GPC5: variants seen among roughly 807,000 people sequenced by gnomAD.
The protein encoded by GPC5 is glypican 5.
GPC5 carries 47 observed loss-of-function variants against 53.9 expected under a neutral mutation model. That is an observed-to-expected ratio of 0.87 (90% CI 0.69 to 1.11). The LOEUF (loss-of-function observed/expected upper bound fraction) is 1.11. Among genes scored for constraint, GPC5 ranks in the 50% most tolerant of loss-of-function variants. The pLI is 0.00. For synonymous variants in GPC5, 286 were observed against 263.3 expected (o/e 1.09, Z -0.84); for missense variants, 748 against 713.1 (o/e 1.05, Z -0.56).
chr13:91,704,648 A>G (rs1283028643), intron 3 of GPC5, among the ~76,000 whole-genome samples: 3 of 152,180 alleles, frequency 2.0e-5, no homozygotes, highest in African/African-American at 7.2e-5. Flanking sequence ...ACCAAGGACA[A>G]CCTCACTCAA....
At chr13:91,895,643 T>G (rs1826114992) in intron 5 of GPC5, among the ~76,000 whole-genome samples, 1 of 151,940 alleles carries the variant, frequency 6.6e-6, no homozygotes, top group South Asian at 2.1e-4. Flanking sequence ...TCTTTCTTTT[T>G]TTTTTTTTCT....
chr13:91,615,308 C>T (rs1051289692), intron 2 of GPC5, among the ~76,000 whole-genome samples: 4 of 152,104 alleles, frequency 2.6e-5, no homozygotes, highest in African/African-American at 4.8e-5. Flanking sequence ...CCCACATGTC[C>T]ACATACTAGT....
intron 7 of GPC5, among the ~76,000 whole-genome samples, chr13:92,644,802 G>A (rs1253724791): frequency 6.6e-6 from 1 of 151,984 alleles, no homozygotes; most frequent in Non-Finnish European, 1.5e-5. Flanking sequence ...AATTAACATG[G>A]TGGAGAATTA....
intron 1 of GPC5, among the ~76,000 whole-genome samples, chr13:91,439,863 A>G (rs1880290640): frequency 6.6e-6 from 1 of 152,178 alleles, no homozygotes; most frequent in Non-Finnish European, 1.5e-5. Context: ...TTAGAGTGAA[A>G]TTTTAAGAAA....
At chr13:91,801,620 C>T (rs2038138048) in intron 5 of GPC5, among the ~76,000 whole-genome samples, 1 of 152,138 alleles carries the variant, frequency 6.6e-6, no homozygotes, top group Admixed American at 6.5e-5. Context: ...CTTCATGTCA[C>T]AATTTTTAAA....
intron 7 of GPC5, among the ~76,000 whole-genome samples, chr13:92,190,311 G>T (rs551767840): frequency 6.6e-6 from 1 of 152,238 alleles, no homozygotes; most frequent in East Asian, 1.9e-4. Context: ...CAGTGGAACT[G>T]CCTTGCAAAA....
intron 5 of GPC5, among the ~76,000 whole-genome samples, chr13:91,868,717 G>C (rs1425666649): frequency 6.6e-6 from 1 of 152,100 alleles, no homozygotes; most frequent in Non-Finnish European, 1.5e-5. Flanking sequence ...AAAAGAATTA[G>C]AGACAAGAAG....
chr13:91,896,635 G>A (rs555310897), intron 5 of GPC5, among the ~76,000 whole-genome samples: 1 of 152,222 alleles, frequency 6.6e-6, no homozygotes, highest in Non-Finnish European at 1.5e-5. Flanking sequence ...TGTCTCTGTA[G>A]GTGTGGAATC....
intron 2 of GPC5, among the ~76,000 whole-genome samples, chr13:91,671,936 C>G (rs1016328149): frequency 6.6e-6 from 1 of 152,044 alleles, no homozygotes; most frequent in Non-Finnish European, 1.5e-5. Context: ...AGAGATAACA[C>G]CTCACATCTA....
intron 5 of GPC5, among the ~76,000 whole-genome samples, chr13:91,867,065 G>C (rs1412986344): frequency 6.6e-6 from 1 of 152,068 alleles, no homozygotes; most frequent in Non-Finnish European, 1.5e-5. Context: ...AAAATACAAA[G>C]TTAGCTGGGC....
chr13:91,492,890 C>T (rs963194896), intron 2 of GPC5, among the ~76,000 whole-genome samples: 1 of 152,160 alleles, frequency 6.6e-6, no homozygotes, highest in African/African-American at 2.4e-5. Context: ...ACCAAAACAA[C>T]TCCAAAATGT....
Position 92,061,737 on chromosome 13 carries a change from A to C in GPC5, c.1402-83093A>C, listed in dbSNP as rs8000430. On this transcript the variant is annotated intron_variant, in intron 6 of 7. Transcript: ENST00000377067. The stretch of plus-strand genomic sequence containing the variant: ...GAAGACATTGGCTGTGTCCATGAAG[A>C]TATGTTTGTTCCCTGAAGTTTCATT... 5.6e-3 allele frequency among the ~76,000 whole-genome samples: 848 copies of C among 152,008 alleles called. 16 individuals carry two copies. Among genetic ancestry groups the C allele is most frequent in the African/African-American group, 0.02 (822 of 41,408 alleles).
intron 2 of GPC5, among the ~76,000 whole-genome samples, chr13:91,504,822 C>T (rs1884855137): frequency 6.6e-6 from 1 of 152,020 alleles, no homozygotes; most frequent in South Asian, 2.1e-4. Context: ...GGCATGGTGG[C>T]ATGCACCTGT....
At chr13:92,583,842 GTGT>G (rs1372187445) in intron 7 of GPC5, among the ~76,000 whole-genome samples, 5 of 152,084 alleles carry the variant, frequency 3.3e-5, no homozygotes, top group African/African-American at 1.2e-4. Context: ...GGTCTTTCCT[GTGT>G]TGTTCTCATG....
chr13:92,560,178 A>G (rs554058184), intron 7 of GPC5, among the ~76,000 whole-genome samples: 2 of 152,128 alleles, frequency 1.3e-5, no homozygotes, highest in South Asian at 4.1e-4. Flanking sequence ...TTTTCAACAT[A>G]TGAAACAATA....
chr13:92,629,691 G>A (rs575397846), intron 7 of GPC5, among the ~76,000 whole-genome samples: 62 of 152,162 alleles, frequency 4.1e-4, no homozygotes, highest in African/African-American at 1.3e-3. Flanking sequence ...CAATGATTCC[G>A]TTCTTCTTTC....
At chr13:91,938,558 C>G (rs976161826) in intron 6 of GPC5, among the ~76,000 whole-genome samples, 1 of 152,248 alleles carries the variant, frequency 6.6e-6, no homozygotes, top group Non-Finnish European at 1.5e-5. Flanking sequence ...TAGTGATGCT[C>G]TACCAGTTTA....
At chr13:91,784,828 A>G (rs1265679403) in intron 5 of GPC5, among the ~76,000 whole-genome samples, 2 of 152,182 alleles carry the variant, frequency 1.3e-5, no homozygotes, top group African/African-American at 4.8e-5. Flanking sequence ...TTTGAATTCA[A>G]AAGTTGGCAA....
chr13:92,834,136 T>A (rs893713543), intron 7 of GPC5, among the ~76,000 whole-genome samples: 2 of 152,130 alleles, frequency 1.3e-5, no homozygotes, highest in South Asian at 4.1e-4. Flanking sequence ...CGTGATTGAT[T>A]GGAGAGGAGG....
Sources: allele counts gnomAD v4.1 joint callset (sites outside exome capture counted in the v4.1 genomes callset), GRCh38; gene constraint gnomAD v4.1.1; transcripts MANE v1.5; gene names NCBI Gene and HGNC (gene_info 2026-07-23, HGNC 2026-07-21).